Variants in FAF1 observed in about 807,000 individuals in gnomAD.
FAF1 encodes the protein Fas associated factor 1, also known as FAS-associated factor 1.
FAF1 carries 25 observed loss-of-function variants against 92.5 expected under a neutral mutation model. The ratio of observed to expected loss-of-function variants is 0.27; its 90% CI spans 0.20 to 0.38. FAF1 has a LOEUF of 0.38. Ranked by LOEUF, FAF1 falls within the 10% of genes least tolerant of loss-of-function variation. FAF1 has a pLI of 1.00. For synonymous variants in FAF1, 234 were observed against 273.2 expected (o/e 0.86, Z 1.42); for missense variants, 636 against 793.3 (o/e 0.80, Z 2.38).
intron 2 of FAF1, among the ~76,000 whole-genome samples, chr1:50,834,633 A>T (rs1355073713): frequency 6.6e-6 from 1 of 152,228 alleles, no homozygotes; most frequent in African/African-American, 2.4e-5. Context: ...ACTCAGGATG[A>T]ACAAAGCAAA....
rs1449052668 is a variant in FAF1, at chr1:50,794,372, C to G, written c.162-6167G>C. Among the ~76,000 whole-genome samples, 4 of 152,200 alleles carry G rather than the reference C, an allele frequency of 2.6e-5. No homozygotes were observed. The East Asian group carries it at 7.7e-4, about 29-fold the overall frequency. ...ACTACGACCACAATCAATGATAACC[C>G]TGAAAGACAGCAGTGAAAGAAAAGC... On this transcript the variant is annotated intron_variant, in intron 3 of 18. Transcript: ENST00000396153.
At chr1:50,913,670 G>A (rs894376306) in intron 1 of FAF1, among the ~76,000 whole-genome samples, 1 of 152,130 alleles carries the variant, frequency 6.6e-6, no homozygotes, top group Non-Finnish European at 1.5e-5. Flanking sequence ...GAAGTAGTCT[G>A]TACACATTAT....
At chr1:50,562,874 C>T (rs1165637381) in intron 13 of FAF1, among the ~76,000 whole-genome samples, 3 of 152,212 alleles carry the variant, frequency 2.0e-5, no homozygotes, top group Admixed American at 6.5e-5. Context: ...GTGGGTTCTG[C>T]ATCTGTTGAT....
chr1:50,713,271 T>C (rs1440299169), intron 6 of FAF1, among the ~76,000 whole-genome samples: 2 of 101,042 alleles, frequency 2.0e-5, no homozygotes, highest in East Asian at 4.4e-4. Context: ...AAAGGCATGT[T>C]TTCTTTTTCT....
intron 5 of FAF1, among the ~76,000 whole-genome samples, chr1:50,741,406 A>G (rs1659382694): frequency 6.6e-6 from 1 of 152,256 alleles, no homozygotes; most frequent in Non-Finnish European, 1.5e-5. Flanking sequence ...GGGGTAATAC[A>G]ATAACTTTTA....
chr1:50,496,226 A>T (rs1474994003), intron 15 of FAF1, among the ~76,000 whole-genome samples: 1 of 152,146 alleles, frequency 6.6e-6, no homozygotes, highest in Non-Finnish European at 1.5e-5. Context: ...GGTTTTTCTG[A>T]ATGCCCAGGT....
intron 8 of FAF1, among the ~76,000 whole-genome samples, chr1:50,602,119 T>C (rs1482268879): frequency 1.3e-5 from 2 of 152,226 alleles, no homozygotes; most frequent in African/African-American, 4.8e-5. Context: ...TTGCTCTGCA[T>C]GTGACACACC....
intron 1 of FAF1, among the ~76,000 whole-genome samples, chr1:50,956,867 G>A (rs1388912830): frequency 2.0e-5 from 3 of 152,210 alleles, no homozygotes; most frequent in Non-Finnish European, 2.9e-5. Flanking sequence ...AGAATCACTT[G>A]AACCCGAGAG....
chr1:50,907,634 C>A (rs1214053102), intron 1 of FAF1, among the ~76,000 whole-genome samples: 1 of 152,068 alleles, frequency 6.6e-6, no homozygotes, highest in African/African-American at 2.4e-5. Flanking sequence ...AGGAATTTAT[C>A]CATTTCTTCT....
At chr1:50,730,018 T>G (rs1231953594) in intron 6 of FAF1, among the ~76,000 whole-genome samples, 1 of 151,946 alleles carries the variant, frequency 6.6e-6, no homozygotes, top group African/African-American at 2.4e-5. Flanking sequence ...AGACTCCTTC[T>G]CCAAAATAAA....
At chr1:50,778,104 C>T (rs1513640) in intron 4 of FAF1, among the ~76,000 whole-genome samples, 2,318 of 152,166 alleles carry the variant, frequency 0.015, 61 homozygotes, top group African/African-American at 0.052. Flanking sequence ...TTCTACATAG[C>T]AATTAGAATG....
chr1:50,530,581 G>C (rs895398914), intron 15 of FAF1, among the ~76,000 whole-genome samples: 4 of 152,060 alleles, frequency 2.6e-5, no homozygotes, highest in African/African-American at 9.6e-5. Context: ...TAGCACAACA[G>C]GATGACTACA....
intron 17 of FAF1, among the ~76,000 whole-genome samples, chr1:50,485,062 A>G (rs1646747721): frequency 6.6e-6 from 1 of 151,894 alleles, no homozygotes; most frequent in African/African-American, 2.4e-5. Flanking sequence ...TGTGTAACAA[A>G]CCTGCATGTT....
intron 13 of FAF1, among the ~76,000 whole-genome samples, chr1:50,555,210 G>A (rs573886626): frequency 1.3e-5 from 2 of 151,126 alleles, no homozygotes; most frequent in Non-Finnish European, 3.0e-5. Flanking sequence ...GTGACAGAGC[G>A]AGACACACAC....
chr1:50,649,662 T>C (rs1055400721), intron 8 of FAF1, among the ~76,000 whole-genome samples: 7 of 151,520 alleles, frequency 4.6e-5, no homozygotes, highest in African/African-American at 1.7e-4. Flanking sequence ...GAAAGAAAAG[T>C]CTGGGCACAG....
At chr1:50,506,996 AGGAATG>A (rs1296763923) in intron 15 of FAF1, among the ~76,000 whole-genome samples, 18 of 152,196 alleles carry the variant, frequency 1.2e-4, no homozygotes, top group Admixed American at 3.3e-4. Flanking sequence ...GATAATAGGG[AGGAATG>A]GGAATGGGAA....
intron 4 of FAF1, among the ~76,000 whole-genome samples, chr1:50,748,970 A>T (rs1659738267): frequency 6.6e-6 from 1 of 152,228 alleles, no homozygotes; most frequent in Non-Finnish European, 1.5e-5. Flanking sequence ...AACTTTCCTT[A>T]AAAAGATCCC....
rs1226576384 is a variant in FAF1, at chr1:50,440,496, AT to A, written c.*943del. 1 of 152,260 alleles carries A rather than the reference AT, an allele frequency of 6.6e-6. No homozygotes were observed. The highest frequency in any genetic ancestry group is 1.5e-5 in the Non-Finnish European group (1 of 68,048). 9.4% of individuals were successfully genotyped at this position (152,260 alleles called of 1,614,324 possible). On this transcript the variant is annotated 3_prime_UTR_variant, in exon 19 of 19. Coordinates refer to ENST00000396153, the MANE Select transcript of FAF1 (RefSeq NM_007051.3). ...CAAGTTCCTTATTACAGGAGAGTCC[AT>A]GGGGCTGCTCATCAGATTTTGTTGA...
At chr1:50,705,753 A>T (rs746770261) in intron 7 of FAF1, 33 bp downstream of exon 7, 2 of 1,203,356 alleles carry the variant, frequency 1.7e-6, no homozygotes, top group Non-Finnish European at 2.5e-6. Context: ...ATAATGAGCT[A>T]CCTTTATTTC....
Sources: allele counts gnomAD v4.1 joint callset (sites outside exome capture counted in the v4.1 genomes callset), GRCh38; gene constraint gnomAD v4.1.1; transcripts MANE v1.5; gene names NCBI Gene and HGNC (gene_info 2026-07-23, HGNC 2026-07-21).